Variants in BMAL1 observed in about 807,000 individuals in gnomAD.
BMAL1 encodes the protein basic helix-loop-helix ARNT-like protein 1.
the BMAL1 span, among the ~76,000 whole-genome samples, chr11:13,345,926 G>C: frequency 2.0e-5 from 3 of 152,096 alleles, no homozygotes; most frequent in African/African-American, 4.8e-5. Flanking sequence ...AGTGACTAGG[G>C]GACCAACCAT....
the BMAL1 span, among the ~76,000 whole-genome samples, chr11:13,318,187 TAA>T: frequency 4.6e-5 from 7 of 152,236 alleles, no homozygotes; most frequent in African/African-American, 1.7e-4. Context: ...CTGCTTAATA[TAA>T]CTAATACCCC....
chr11:13,306,451 G>A, the BMAL1 span, among the ~76,000 whole-genome samples: 1 of 152,238 alleles, frequency 6.6e-6, no homozygotes, highest in African/African-American at 2.4e-5. Context: ...AGCTGGTTCT[G>A]AGATAACAGA....
the BMAL1 span, among the ~76,000 whole-genome samples, chr11:13,296,880 C>G: frequency 1.3e-5 from 2 of 152,164 alleles, no homozygotes; most frequent in African/African-American, 4.8e-5. Context: ...TCCCATCTTG[C>G]GCTCGTGGCT....
chr11:13,337,937 C>T, the BMAL1 span, among the ~76,000 whole-genome samples: 1 of 152,088 alleles, frequency 6.6e-6, no homozygotes, highest in Non-Finnish European at 1.5e-5. Context: ...TATCTGACCC[C>T]TCTCACAATT....
At chr11:13,323,403 C>G in the BMAL1 span, among the ~76,000 whole-genome samples, 2 of 152,102 alleles carry the variant, frequency 1.3e-5, no homozygotes, top group Non-Finnish European at 2.9e-5. Flanking sequence ...CTTCCCAGAC[C>G]TAACATAACT....
At chr11:13,313,717 A>G in the BMAL1 span, among the ~76,000 whole-genome samples, 1 of 151,776 alleles carries the variant, frequency 6.6e-6, no homozygotes, top group Non-Finnish European at 1.5e-5. Context: ...CCCTCATTCC[A>G]CTGCCCACAT....
At chr11:13,320,029 T>C in the BMAL1 span, among the ~76,000 whole-genome samples, 5 of 152,230 alleles carry the variant, frequency 3.3e-5, no homozygotes, top group African/African-American at 9.6e-5. Flanking sequence ...CTTTTGTTCA[T>C]AGATTTCTCA....
chr11:13,369,900 C>CTGT, the BMAL1 span: 6 of 1,110,206 alleles, frequency 5.4e-6, no homozygotes, highest in Non-Finnish European at 7.6e-6. Context: ...CAGACAGGAC[C>CTGT]CTGCAGTCCT....
chr11:13,304,288 G>A, the BMAL1 span, among the ~76,000 whole-genome samples: 1 of 152,170 alleles, frequency 6.6e-6, no homozygotes, highest in African/African-American at 2.4e-5. Flanking sequence ...GGTAGAGGTG[G>A]GGAGAAGCCG....
chr11:13,366,091 C>T, the BMAL1 span, among the ~76,000 whole-genome samples: 2 of 152,178 alleles, frequency 1.3e-5, no homozygotes, highest in African/African-American at 4.8e-5. Flanking sequence ...TTATGTCCCC[C>T]AGAGTTTTTA....
the BMAL1 span, chr11:13,381,132 A>C: frequency 6.2e-7 from 1 of 1,608,120 alleles, no homozygotes; most frequent in African/African-American, 1.3e-5. Flanking sequence ...TGAAAAAAGA[A>C]AAGGCAGTGT....
At chr11:13,339,046 C>T in the BMAL1 span, among the ~76,000 whole-genome samples, 1 of 152,222 alleles carries the variant, frequency 6.6e-6, no homozygotes, top group Non-Finnish European at 1.5e-5. Context: ...GGACCTCTTC[C>T]TCCAGCTGTC....
chr11:13,340,366 T>C, the BMAL1 span, among the ~76,000 whole-genome samples: 2 of 152,354 alleles, frequency 1.3e-5, no homozygotes, highest in South Asian at 4.1e-4. Context: ...AAGGAAATCA[T>C]TGTCCTTGCT....
At chr11:13,378,318 TCAGATTC>T in the BMAL1 span, 1 of 1,586,630 alleles carries the variant, frequency 6.3e-7, no homozygotes, top group Non-Finnish European at 8.6e-7. Flanking sequence ...TTTCCTACTC[TCAGATTC>T]CTTTGTTGTA....
the BMAL1 span, among the ~76,000 whole-genome samples, chr11:13,295,104 C>T: frequency 3.9e-5 from 6 of 152,236 alleles, no homozygotes; most frequent in South Asian, 1.0e-3. Context: ...GGCCATCTGT[C>T]CAGCAGCAGT....
the BMAL1 span, chr11:13,360,223 A>T: frequency 1.3e-6 from 1 of 799,016 alleles, no homozygotes. Context: ...AGGCCTAAAC[A>T]ATAAAATTTA....
the BMAL1 span, among the ~76,000 whole-genome samples, chr11:13,296,936 G>A: frequency 6.6e-6 from 1 of 152,194 alleles, no homozygotes; most frequent in Non-Finnish European, 1.5e-5. Context: ...GCCTGTGACA[G>A]TGTTGTCAGG....
the BMAL1 span, among the ~76,000 whole-genome samples, chr11:13,284,231 TG>T: frequency 3.0e-4 from 1 of 3,344 alleles, no homozygotes; most frequent in South Asian, 0.05. Context: ...TATATATGTG[TG>T]TGTATATATA....
At chr11:13,367,255 TTTC>T in the BMAL1 span, among the ~76,000 whole-genome samples, 1 of 152,190 alleles carries the variant, frequency 6.6e-6, no homozygotes, top group African/African-American at 2.4e-5. Context: ...CCCACCTGGC[TTTC>T]TTCTTTTGCA....
Sources: allele counts gnomAD v4.1 joint callset (sites outside exome capture counted in the v4.1 genomes callset), GRCh38; gene constraint gnomAD v4.1.1; transcripts MANE v1.5; gene names NCBI Gene and HGNC (gene_info 2026-07-23, HGNC 2026-07-21).